Variants in PAPOLA observed in about 807,000 individuals in gnomAD.
PAPOLA encodes polynucleotide adenylyltransferase alpha.
Under a neutral mutation model 100.6 loss-of-function variants are expected in PAPOLA, and 15 were observed. That is an observed-to-expected ratio of 0.15 (90% CI 0.10 to 0.23). The LOEUF (loss-of-function observed/expected upper bound fraction) is 0.23, where lower values mean the gene tolerates loss of function less well. PAPOLA is among the 10% of genes least tolerant of loss of function. PAPOLA has a pLI of 1.00. For synonymous variants in PAPOLA, 293 were observed against 300.0 expected, an observed-to-expected ratio of 0.98 and a Z score of 0.24; for missense variants, 533 against 884.2, an observed-to-expected ratio of 0.60 and a Z score of 5.04.
At chr14:96,535,415 T>A in intron 10 of PAPOLA, 2 of 983,206 alleles carry the variant, frequency 2.0e-6, no homozygotes, top group Non-Finnish European at 2.4e-6. Flanking sequence ...TCAACATGGA[T>A]AATGTAGTTT....
intron 16 of PAPOLA, among the ~76,000 whole-genome samples, chr14:96,548,200 TAAA>T (rs1900544035): frequency 6.6e-6 from 1 of 152,144 alleles, no homozygotes; most frequent in South Asian, 2.1e-4. Flanking sequence ...CTTATTCACT[TAAA>T]AATCCCACAC....
chr14:96,521,596 C>G (rs527911908), intron 3 of PAPOLA, among the ~76,000 whole-genome samples: 7 of 151,968 alleles, frequency 4.6e-5, no homozygotes, highest in Non-Finnish European at 8.8e-5. Flanking sequence ...TTCAAGCAGT[C>G]CTCCTGGCCT....
At chr14:96,509,664 C>T (rs781134597) in intron 1 of PAPOLA, among the ~76,000 whole-genome samples, 5 of 152,200 alleles carry the variant, frequency 3.3e-5, no homozygotes, top group African/African-American at 7.2e-5. Flanking sequence ...CCTGTTGCTC[C>T]TAGGCTATAA....
intron 7 of PAPOLA, chr14:96,532,128 T>A (rs1470892184): frequency 7.3e-7 from 1 of 1,370,726 alleles, no homozygotes; most frequent in African/African-American, 1.5e-5. Context: ...AGGAGATAAA[T>A]GCTTTAGATT....
chr14:96,529,426 A>C (rs1340652519), intron 6 of PAPOLA, among the ~76,000 whole-genome samples: 1 of 151,712 alleles, frequency 6.6e-6, no homozygotes, highest in African/African-American at 2.4e-5. Context: ...ACTGCTTTTT[A>C]AAAAGTGATC....
At position 96,536,051 on chromosome 14, in the gene PAPOLA, T is replaced by C. The variant is rs1256743801; in HGVS notation, c.1030+52T>C. ...TTATACAGGAAGGATTTACGTACCA[T>C]TGTAGACCCAGTAGTCAGCTGTGCA... is the stretch of plus-strand genomic sequence containing the variant. On this transcript the variant is annotated intron_variant, in intron 11 of 21. Transcript: ENST00000216277. The C allele has an allele frequency of 2.2e-6, 3 of 1,368,382 alleles. No homozygotes were observed. In the Admixed American group the frequency reaches 7.1e-5, roughly 33 times the overall value. 84.8% of individuals were successfully genotyped at this position (1,368,382 alleles called of 1,614,324 possible). A position where few individuals can be genotyped will look rare whatever the true frequency, so the allele number is the denominator to read the frequency against.
rs752634517 is a variant in PAPOLA at position 96,535,871 on chromosome 14, G to A, written c.910-8G>A. ...TTGAAGAAACTGATTGGCTGTTGTT[G>A]TATGTAGGTAAACCCCAGTGATAGG... is the stretch of plus-strand genomic sequence containing the variant. On this transcript the variant is annotated splice_polypyrimidine_tract_variant and splice_region_variant and intron_variant, in intron 10 of 21. Coordinates refer to ENST00000216277, the MANE Select transcript of PAPOLA (RefSeq NM_032632.5). The A allele has an allele frequency of 1.9e-6, 3 of 1,570,120 alleles. No individual in the cohort carries two copies. The highest frequency in any genetic ancestry group is 2.6e-6 in the Non-Finnish European group (3 of 1,158,254).
At position 96,560,700 on chromosome 14, in the gene PAPOLA, A is replaced by T; in HGVS notation, c.2056A>T (p.Thr686Ser). The T allele has an allele frequency of 6.3e-7, 1 of 1,595,168 alleles. No homozygotes were observed. The highest frequency in any genetic ancestry group is 8.6e-7 in the Non-Finnish European group (1 of 1,163,602). Residue 686 changes from threonine (T) to serine (S), a missense_variant, in exon 20 of 22, where the codon ACA (threonine) becomes TCA (serine). Thr to Ser is a moderately conservative substitution (Grantham distance 58, BLOSUM62 1). Coordinates refer to ENST00000216277, the MANE Select transcript of PAPOLA (RefSeq NM_032632.5). ...NCLALSGHDK[T>S]EAKEQLDTET... ...TCTTGCTTTGAGTGGACATGATAAA[A>T]CAGAAGCAAAGGTATACTAATTTAG...
intron 12 of PAPOLA, among the ~76,000 whole-genome samples, chr14:96,538,242 T>G (rs1391733023): frequency 1.3e-5 from 2 of 151,992 alleles, no homozygotes; most frequent in Non-Finnish European, 2.9e-5. Context: ...CTAGTACCCC[T>G]TAATTCCTGG....
intron 3 of PAPOLA, among the ~76,000 whole-genome samples, chr14:96,524,560 C>T (rs1007319799): frequency 1.3e-5 from 2 of 151,680 alleles, no homozygotes; most frequent in Admixed American, 6.6e-5. Flanking sequence ...GTCTGACTGT[C>T]GCCCAGGCTA....
chr14:96,562,808 T>C lies in PAPOLA; in HGVS notation c.2068-11T>C. On this transcript the variant is annotated splice_polypyrimidine_tract_variant and intron_variant, in intron 20 of 21. Coordinates refer to ENST00000216277, the MANE Select transcript of PAPOLA (RefSeq NM_032632.5). ...CTCTTTTCCCCCTTCCCCATCCTCT[T>C]TGTCTCACAGGAACAACTTGATACA... The C allele has an allele frequency of 6.4e-7, 1 of 1,571,468 alleles. No homozygotes were observed. Among genetic ancestry groups the C allele is most frequent in the East Asian group, 2.2e-5 (1 of 44,554 alleles).
At chr14:96,543,836 C>G (rs749080503) in intron 14 of PAPOLA, among the ~76,000 whole-genome samples, 1 of 151,540 alleles carries the variant, frequency 6.6e-6, no homozygotes, top group Admixed American at 6.6e-5. Context: ...TATTCTTTTT[C>G]CTTCATTAGT....
chr14:96,513,870 G>A (rs1271765245), intron 1 of PAPOLA, among the ~76,000 whole-genome samples: 2 of 152,096 alleles, frequency 1.3e-5, no homozygotes, highest in African/African-American at 4.8e-5. Context: ...ATAAAAGTTG[G>A]AATATTTTGA....
chr14:96,550,670 C>T (rs1337849140), intron 16 of PAPOLA, among the ~76,000 whole-genome samples: 1 of 152,134 alleles, frequency 6.6e-6, no homozygotes, highest in Non-Finnish European at 1.5e-5. Context: ...GACCATCTAT[C>T]CAAATTACAT....
At chr14:96,560,446 C>T in intron 19 of PAPOLA, 1 of 460,568 alleles carries the variant, frequency 2.2e-6, no homozygotes, top group Non-Finnish European at 3.8e-6. Context: ...TCCTAATGCT[C>T]TTTTTAATTT....
chr14:96,535,469 A>T, intron 10 of PAPOLA: 1 of 983,210 alleles, frequency 1.0e-6, no homozygotes, highest in South Asian at 4.7e-5. Context: ...GTTTCAGGGT[A>T]TATTAAGAAC....
intron 12 of PAPOLA, among the ~76,000 whole-genome samples, chr14:96,538,284 T>A (rs1253303774): frequency 6.6e-6 from 1 of 152,002 alleles, no homozygotes; most frequent in African/African-American, 2.4e-5. Flanking sequence ...CAAACTTTGT[T>A]CTATTCACTT....
intron 3 of PAPOLA, among the ~76,000 whole-genome samples, chr14:96,522,811 G>A (rs1898113332): frequency 6.6e-6 from 1 of 152,088 alleles, no homozygotes; most frequent in Non-Finnish European, 1.5e-5. Flanking sequence ...TGTGTGTGGA[G>A]TTCATTTGAC....
chr14:96,532,961 GA>G, intron 9 of PAPOLA: 3 of 1,044,106 alleles, frequency 2.9e-6, no homozygotes, highest in Non-Finnish European at 3.5e-6. Context: ...TATACTTTTG[GA>G]TAAAACTTGT....
Sources: allele counts gnomAD v4.1 joint callset (sites outside exome capture counted in the v4.1 genomes callset), GRCh38; gene constraint gnomAD v4.1.1; transcripts MANE v1.5; gene names NCBI Gene and HGNC (gene_info 2026-07-23, HGNC 2026-07-21).